Variants in CACNA1C observed in about 807,000 individuals in gnomAD.
CACNA1C encodes the protein calcium voltage-gated channel subunit alpha1 C.
Under a neutral mutation model 229.0 loss-of-function variants are expected in CACNA1C, and 30 were observed. The observed-to-expected ratio is 0.13, with a 90% CI of 0.10 to 0.18. The LOEUF is 0.18. Among genes scored for constraint, CACNA1C ranks in the 10% least tolerant of loss-of-function variants. The pLI, the probability that CACNA1C is intolerant of heterozygous loss-of-function variation, is 1.00. For missense variants in CACNA1C, 1,658 were observed against 2,845.0 expected (o/e 0.58, Z 9.49); for synonymous variants, 1,114 against 1,132.5 (o/e 0.98, Z 0.33).
intron 3 of CACNA1C, among the ~76,000 whole-genome samples, chr12:2,263,278 G>C (rs552430482): frequency 1.6e-4 from 24 of 152,254 alleles, no homozygotes; most frequent in African/African-American, 5.5e-4. Context: ...TCAGGTGGGA[G>C]TATGCCCAGC....
chr12:2,323,286 T>A (rs1003169855), intron 3 of CACNA1C, among the ~76,000 whole-genome samples: 5 of 152,172 alleles, frequency 3.3e-5, no homozygotes, highest in African/African-American at 4.8e-5. Flanking sequence ...AATAATTTTT[T>A]AAAAAGTATT....
chr12:2,651,401 AAC>A lies in CACNA1C; in HGVS notation c.3946-235_3946-234del, dbSNP rs1360011469. 1 of 573,716 alleles carries A rather than the reference AAC, an allele frequency of 1.7e-6. No individual in the cohort carries two copies. Among genetic ancestry groups the A allele is most frequent in the Non-Finnish European group, 3.1e-6 (1 of 324,436 alleles). The allele number at this position is 573,716 out of a possible 1,614,324, so 35.5% of individuals were successfully genotyped here. A position where few individuals can be genotyped will look rare whatever the true frequency, so the allele number is the denominator to read the frequency against. On this transcript the variant is annotated intron_variant, in intron 31 of 46. Transcript: ENST00000399655. This position sits in a 1 kb window ranked among gnomAD's most constrained non-coding sequence, Gnocchi z 5.4. ...ATGAAGGGGAATCGGGGAGAATAAA[AAC>A]ACAGGACCACAGCCCAGCGGCCTGG...
intron 1 of CACNA1C, among the ~76,000 whole-genome samples, chr12:2,100,999 C>T (rs1369017450): frequency 7.9e-6 from 1 of 126,772 alleles, no homozygotes; most frequent in Non-Finnish European, 1.6e-5. Flanking sequence ...TGAGACCCAT[C>T]TCAAAAAAAA....
At chr12:2,004,540 C>G in intron 1 of CACNA1C, 2 of 1,468,254 alleles carry the variant, frequency 1.4e-6, no homozygotes, top group Non-Finnish European at 1.8e-6. Flanking sequence ...CCACACGGCC[C>G]GGGAGGCCTT....
intron 5 of CACNA1C, among the ~76,000 whole-genome samples, chr12:2,481,395 G>T (rs981743282): frequency 7.2e-5 from 11 of 152,214 alleles, no homozygotes; most frequent in African/African-American, 2.7e-4. Flanking sequence ...GTGATTTATA[G>T]ATGCAGGTCC....
Position 2,691,014 on chromosome 12 carries a change from G to A in CACNA1C, c.6232G>A (p.Ala2078Thr). 1 of 1,600,824 alleles carries A rather than the reference G, an allele frequency of 6.2e-7. No individual in the cohort carries two copies. The stretch of plus-strand genomic sequence containing the variant: ...GACCATAGAGGAGATGGAGAGCGCG[G>A]CCGACAACATCCTCAGCGGGGGCGC... ...DMTIEEMESA[A>T]DNILSGGAPQ... Residue 2078 changes from alanine (A) to threonine (T), a missense_variant, in exon 47 of 47, where the codon GCC (alanine) becomes ACC (threonine). Transcript: ENST00000399655.
At chr12:2,503,803 A>C (rs545201939) in intron 7 of CACNA1C, among the ~76,000 whole-genome samples, 2 of 152,336 alleles carry the variant, frequency 1.3e-5, no homozygotes, top group African/African-American at 4.8e-5. Flanking sequence ...ATTTACCCCT[A>C]AGCTGTGGTT....
intron 3 of CACNA1C, among the ~76,000 whole-genome samples, chr12:2,407,681 T>C (rs59446606): frequency 0.21 from 6,460 of 31,372 alleles, 1,112 homozygotes; most frequent in Middle Eastern, 0.3. Context: ...TCGTCTCCAC[T>C]GACACCATGT....
rs2089756940 is a variant in CACNA1C at position 2,630,301 on chromosome 12, A to G, written c.3829-3996A>G. ...TCTCCATTACACCCTTAAAACCCCTATTACTAATGGTTTCCAGCAACCGAG... is the reference window on the plus strand; with the variant it reads ...TCTCCATTACACCCTTAAAACCCCTGTTACTAATGGTTTCCAGCAACCGAG... On this transcript the variant is annotated intron_variant, in intron 29 of 46. Coordinates refer to ENST00000399655, the MANE Select transcript of CACNA1C (RefSeq NM_000719.7). This position sits in a 1 kb window ranked among gnomAD's most constrained non-coding sequence, Gnocchi z 5.4. Among the ~76,000 whole-genome samples the G allele has an allele frequency of 6.6e-6, 1 of 152,076 alleles. No homozygotes were observed. Among genetic ancestry groups the G allele is most frequent in the Non-Finnish European group, 1.5e-5 (1 of 68,010 alleles).
chr12:1,981,529 G>A (rs2036128646), intron 1 of CACNA1C, among the ~76,000 whole-genome samples: 1 of 152,164 alleles, frequency 6.6e-6, no homozygotes, highest in African/African-American at 2.4e-5. Flanking sequence ...ACTAGTAATT[G>A]CCTTTATTTC....
intron 27 of CACNA1C, among the ~76,000 whole-genome samples, chr12:2,609,945 G>A (rs1257140510): frequency 1.3e-5 from 2 of 152,142 alleles, no homozygotes; most frequent in Admixed American, 1.3e-4. Context: ...CCAACATGGT[G>A]AAACCCCGTC....
intron 30 of CACNA1C, among the ~76,000 whole-genome samples, chr12:2,643,969 G>A (rs770126075): frequency 7.2e-5 from 11 of 152,194 alleles, no homozygotes; most frequent in African/African-American, 2.2e-4. Context: ...TAGTACAAGC[G>A]GAGAAGCGGA....
At position 2,512,367 on chromosome 12, in the gene CACNA1C, C is replaced by G. The variant is rs1031696340; in HGVS notation, c.1218-445C>G. Among the ~76,000 whole-genome samples the G allele has an allele frequency of 1.3e-5, 2 of 152,084 alleles. No individual in the cohort carries two copies. Among genetic ancestry groups the G allele is most frequent in the Non-Finnish European group, 2.9e-5 (2 of 68,030 alleles). The stretch of plus-strand genomic sequence containing the variant: ...CTGCCGGTCCTAAAACCTTGTGTCA[C>G]CTGGAGACCCTTGGGAGAATTTTAA... On this transcript the variant is annotated intron_variant, in intron 8 of 46. Transcript: ENST00000399655. This position sits in a 1 kb window ranked among gnomAD's most constrained non-coding sequence, Gnocchi z 4.3.
chr12:2,032,127 G>A lies in CACNA1C; in HGVS notation c.139+60926G>A, dbSNP rs569248071. ...ACACGTGAGTGGGAGCACGGCTTGC[G>A]GCAGTCTCGGTAACCGGAGGGGGCG... On this transcript the variant is annotated intron_variant, in intron 1 of 46. Transcript: ENST00000682462. Among the ~76,000 whole-genome samples, 11 of 152,202 alleles carry A rather than the reference G, an allele frequency of 7.2e-5. No individual in the cohort carries two copies. The East Asian group carries it at 1.4e-3, about 19-fold the overall frequency.
chr12:2,574,512 C>T (rs1247964860), intron 13 of CACNA1C, among the ~76,000 whole-genome samples: 1 of 152,240 alleles, frequency 6.6e-6, no homozygotes, highest in African/African-American at 2.4e-5. Flanking sequence ...TGCTGCTCCT[C>T]CCCTGCAGCT....
intron 38 of CACNA1C, among the ~76,000 whole-genome samples, chr12:2,673,779 G>C (rs939782757): frequency 1.9e-4 from 29 of 152,230 alleles, no homozygotes; most frequent in African/African-American, 7.0e-4. Flanking sequence ...GCCTTTAAAG[G>C]GCTCATGTGA....
At chr12:2,255,766 A>G (rs954919901) in intron 3 of CACNA1C, among the ~76,000 whole-genome samples, 1 of 120,246 alleles carries the variant, frequency 8.3e-6, no homozygotes, top group Non-Finnish European at 1.8e-5. Context: ...GGCCCTACGG[A>G]TATCACATTA....
chr12:2,624,335 T>C (rs2085084105), intron 29 of CACNA1C, among the ~76,000 whole-genome samples: 1 of 152,180 alleles, frequency 6.6e-6, no homozygotes, highest in African/African-American at 2.4e-5. Flanking sequence ...GGAGCATCCT[T>C]GGGCCCTGTG....
At chr12:2,418,763 A>G (rs1686109417) in intron 3 of CACNA1C, among the ~76,000 whole-genome samples, 1 of 152,064 alleles carries the variant, frequency 6.6e-6, no homozygotes, top group African/African-American at 2.4e-5. Context: ...TGGAGCCTCT[A>G]GGGAGGTGGG....
Sources: gnomAD v4.1 joint callset for allele counts (sites outside exome capture counted in the v4.1 genomes callset) on GRCh38, gnomAD v4.1.1 for gene constraint, Gnocchi (gnomAD v3.1) non-coding constraint, MANE v1.5 for transcripts, NCBI Gene and HGNC (gene_info 2026-07-23, HGNC 2026-07-21) for gene names.